DENND5A: variants seen among roughly 807,000 people sequenced by gnomAD.
DENND5A encodes the protein DENN domain-containing protein 5A.
Under a neutral mutation model 140.3 loss-of-function variants are expected in DENND5A, and 64 were observed. The ratio of observed to expected loss-of-function variants is 0.46; its 90% CI spans 0.37 to 0.56. The LOEUF (loss-of-function observed/expected upper bound fraction) is 0.56. DENND5A is among the 20% of genes least tolerant of loss of function. The pLI is 0.00. For synonymous variants in DENND5A, 605 were observed against 607.7 expected, an observed-to-expected ratio of 1.00 and a Z score of 0.07; for missense variants, 1,292 against 1,593.8, an observed-to-expected ratio of 0.81 and a Z score of 3.22.
intron 1 of DENND5A, among the ~76,000 whole-genome samples, chr11:9,235,835 T>A (rs540789086): frequency 6.6e-6 from 1 of 152,074 alleles, no homozygotes; most frequent in Non-Finnish European, 1.5e-5. Context: ...AAATGAGAAG[T>A]AACTGTTTAA....
At chr11:9,189,301 A>G (rs1254111257) in intron 5 of DENND5A, among the ~76,000 whole-genome samples, 1 of 152,214 alleles carries the variant, frequency 6.6e-6, no homozygotes, top group Non-Finnish European at 1.5e-5. Flanking sequence ...ATGCCCAGAG[A>G]GAAGTTTGTT....
intron 1 of DENND5A, among the ~76,000 whole-genome samples, chr11:9,213,169 A>G (rs1273608210): frequency 2.0e-5 from 3 of 151,908 alleles, no homozygotes; most frequent in African/African-American, 7.3e-5. Flanking sequence ...ACATCCAGCT[A>G]ATTTTTTTGT....
At chr11:9,212,656 A>C (rs1195389415) in intron 1 of DENND5A, among the ~76,000 whole-genome samples, 2 of 152,200 alleles carry the variant, frequency 1.3e-5, no homozygotes, top group Non-Finnish European at 2.9e-5. Context: ...AATAAATAAA[A>C]ATCTGTCAAA....
At chr11:9,177,277 GAAAA>G (rs796879381) in intron 8 of DENND5A, among the ~76,000 whole-genome samples, 2 of 130,004 alleles carry the variant, frequency 1.5e-5, no homozygotes, top group Admixed American at 7.8e-5. Flanking sequence ...AAGAAAGAAA[GAAAA>G]AAAAAAAAGG....
chr11:9,146,910 A>C, intron 16 of DENND5A, 120 bp downstream of exon 16: 1 of 1,220,934 alleles, frequency 8.2e-7, no homozygotes, highest in East Asian at 2.4e-5. Flanking sequence ...CAGAGGCAAA[A>C]GACAAATAGA....
At chr11:9,184,279 G>A (rs1848831573) in intron 5 of DENND5A, among the ~76,000 whole-genome samples, 1 of 152,020 alleles carries the variant, frequency 6.6e-6, no homozygotes, top group Non-Finnish European at 1.5e-5. Flanking sequence ...CATGAACCTC[G>A]GAGGCGGAGC....
At position 9,144,250 on chromosome 11, in the gene DENND5A, C is replaced by A; in HGVS notation, c.3151G>T (p.Gly1051Cys). ...KFPCGRWLGKGMDDGSLERIL... is the reference protein window; with the variant it reads ...KFPCGRWLGKCMDDGSLERIL... ...CGCTCCAGGCTTCCATCATCCATGC[C>A]CTTCCCTAACCACCGGCCACACGGG... The change falls in exon 19 of 23, where the codon GGC (glycine) becomes TGC (cysteine). Residue 1051 changes from glycine (G) to cysteine (C), a missense_variant. Physicochemically the swap from Gly to Cys is radical, Grantham distance 159 (BLOSUM62 -3). This residue lies in a region of DENND5A where 498 missense variants were observed against 689.7 expected (regional missense o/e 0.72). Transcript: ENST00000328194. The A allele has an allele frequency of 6.2e-7, 1 of 1,614,084 alleles. No homozygotes were observed. Among genetic ancestry groups the A allele is most frequent in the Non-Finnish European group, 8.5e-7 (1 of 1,180,008 alleles).
chr11:9,193,368 G>A (rs1018857150), intron 5 of DENND5A, 126 bp downstream of exon 5: 3 of 677,334 alleles, frequency 4.4e-6, no homozygotes, highest in Non-Finnish European at 6.8e-6. Flanking sequence ...TTCCTGAGAA[G>A]TTATTCATAA....
At chr11:9,232,019 C>T (rs536982510) in intron 1 of DENND5A, among the ~76,000 whole-genome samples, 5 of 151,238 alleles carry the variant, frequency 3.3e-5, no homozygotes, top group South Asian at 4.2e-4. Flanking sequence ...TGCTGAAAAA[C>T]GGCCAAGAAA....
chr11:9,164,091 A>ATTT (rs1848097609), intron 11 of DENND5A, among the ~76,000 whole-genome samples: 3 of 25,468 alleles, frequency 1.2e-4, no homozygotes, highest in East Asian at 3.9e-3. Context: ...TTTTTTTTTG[A>ATTT]GAGAGGGTCT....
chr11:9,265,340 G>C lies in DENND5A; in HGVS notation c.-271C>G. On this transcript the variant is annotated 5_prime_UTR_variant, in exon 1 of 23. Transcript: ENST00000328194. The surrounding 1 kb of genome is among the most constrained non-coding windows in gnomAD (Gnocchi z 4.7). ...GCCGAGAGCGCCGCGGCCCGAGCGAGCCTGGAGAAGGGCGGAGAGCGCGTG... is the reference window on the plus strand; with the variant it reads ...GCCGAGAGCGCCGCGGCCCGAGCGACCCTGGAGAAGGGCGGAGAGCGCGTG... The C allele has an allele frequency of 4.4e-6, 1 of 228,246 alleles. No individual in the cohort carries two copies. Among genetic ancestry groups the C allele is most frequent in the Non-Finnish European group, 8.6e-6 (1 of 116,824 alleles). 14.1% of individuals were successfully genotyped at this position (228,246 alleles called of 1,614,324 possible). A position where few individuals can be genotyped will look rare whatever the true frequency, so the allele number is the denominator to read the frequency against.
At chr11:9,160,043 G>A (rs1221212505) in intron 12 of DENND5A, among the ~76,000 whole-genome samples, 1 of 152,206 alleles carries the variant, frequency 6.6e-6, no homozygotes, top group Non-Finnish European at 1.5e-5. Context: ...GCCTACAACA[G>A]TACCTGACAT....
chr11:9,252,609 A>AT (rs1303958582), intron 1 of DENND5A, among the ~76,000 whole-genome samples: 94 of 151,846 alleles, frequency 6.2e-4, no homozygotes, highest in East Asian at 3.9e-4. Context: ...TCGCACCATT[A>AT]TATTCCAGCC....
intron 1 of DENND5A, among the ~76,000 whole-genome samples, chr11:9,210,903 G>T (rs1390019923): frequency 1.3e-5 from 2 of 152,170 alleles, no homozygotes; most frequent in Non-Finnish European, 2.9e-5. Flanking sequence ...GGAAAAAATT[G>T]ATTTTATCAA....
intron 7 of DENND5A, 93 bp from the exon 8 acceptor site, chr11:9,178,459 G>A: frequency 3.9e-6 from 3 of 763,496 alleles, no homozygotes; most frequent in Non-Finnish European, 6.5e-6. Flanking sequence ...CTCTGAGGCT[G>A]CCTAGGTCTT....
intron 1 of DENND5A, among the ~76,000 whole-genome samples, chr11:9,222,892 C>T (rs1208762857): frequency 6.6e-6 from 1 of 152,192 alleles, no homozygotes; most frequent in Non-Finnish European, 1.5e-5. Context: ...GCAAAGTTGC[C>T]ACAAGCTCTT....
intron 1 of DENND5A, among the ~76,000 whole-genome samples, chr11:9,248,428 A>AT (rs2136285545): frequency 6.6e-6 from 1 of 152,046 alleles, no homozygotes; most frequent in East Asian, 2.0e-4. Context: ...AGGTAGGAGG[A>AT]TCCCTTGAGC....
chr11:9,228,128 A>AAAAAAAC (rs1554930495), intron 1 of DENND5A, among the ~76,000 whole-genome samples: 2 of 150,496 alleles, frequency 1.3e-5, no homozygotes, highest in Non-Finnish European at 1.5e-5. Flanking sequence ...AAAAAAAAAA[A>AAAAAAAC]AAAACTTACA....
intron 1 of DENND5A, among the ~76,000 whole-genome samples, chr11:9,252,062 G>A (rs984411897): frequency 6.6e-6 from 1 of 150,896 alleles, no homozygotes; most frequent in Non-Finnish European, 1.5e-5. Flanking sequence ...CACTTTGGGA[G>A]GCCGAGGCGG....
Sources: gnomAD v4.1 joint callset for allele counts (sites outside exome capture counted in the v4.1 genomes callset) on GRCh38, gnomAD v4.1.1 for gene constraint, gnomAD v4.1.1 regional missense constraint, Gnocchi (gnomAD v3.1) non-coding constraint, MANE v1.5 for transcripts, NCBI Gene and HGNC (gene_info 2026-07-23, HGNC 2026-07-21) for gene names.